The following ARAP1 variants were observed in gnomAD, a reference collection of about 807,000 sequenced individuals.
ARAP1 encodes arf-GAP with Rho-GAP domain, ANK repeat and PH domain-containing protein 1.
ARAP1 carries 76 observed loss-of-function variants against 172.2 expected under a neutral mutation model. The ratio of observed to expected loss-of-function variants is 0.44; its 90% CI spans 0.37 to 0.53. ARAP1 has a LOEUF of 0.53. Among genes scored for constraint, ARAP1 ranks in the 20% least tolerant of loss-of-function variants. ARAP1 has a pLI of 0.00. For synonymous variants in ARAP1, 804 were observed against 803.3 expected (o/e 1.00, Z -0.01); for missense variants, 1,686 against 1,977.5 (o/e 0.85, Z 2.80).
intron 22 of ARAP1, 88 bp from the exon 23 acceptor site, chr11:72,696,742 T>C (rs907817809): frequency 1.2e-5 from 14 of 1,143,782 alleles, no homozygotes; most frequent in Non-Finnish European, 1.7e-5. Context: ...TCATGGTGGG[T>C]GACAGCAGTC....
intron 2 of ARAP1, among the ~76,000 whole-genome samples, chr11:72,730,217 C>A (rs1013653303): frequency 6.6e-6 from 1 of 152,050 alleles, no homozygotes; most frequent in Non-Finnish European, 1.5e-5. Flanking sequence ...AAAAAATTTA[C>A]AAAAAGGAAA....
At position 72,726,367 on chromosome 11, in the gene ARAP1, C is replaced by T. The variant is rs2135571960; in HGVS notation, c.509+253G>A. Among the ~76,000 whole-genome samples the T allele has an allele frequency of 6.6e-6, 1 of 152,300 alleles. No homozygotes were observed. The highest frequency in any genetic ancestry group is 1.9e-4 in the East Asian group (1 of 5,174). On this transcript the variant is annotated intron_variant, in intron 3 of 34. Transcript: ENST00000393609. The surrounding 1 kb of genome is among the most constrained non-coding windows in gnomAD (Gnocchi z 6.5). ...AGTGATGGCACGACTGTCCACCCAG[C>T]CACCCAAGACAGAAACCTGGAGGCC...
chr11:72,745,355 ATTTTTT>A (rs35656290), intron 1 of ARAP1, among the ~76,000 whole-genome samples: 35 of 110,740 alleles, frequency 3.2e-4, no homozygotes, highest in Admixed American at 2.1e-3. Context: ...CGTCCGGCTA[ATTTTTT>A]TTTTTTTTTT....
chr11:72,742,458 G>C (rs979390226), intron 1 of ARAP1, among the ~76,000 whole-genome samples: 4 of 152,190 alleles, frequency 2.6e-5, no homozygotes, highest in Admixed American at 6.5e-5. Context: ...TCACTCAGGA[G>C]CCAGAATCTG....
chr11:72,697,006 C>G lies in ARAP1; in HGVS notation c.3143G>C (p.Arg1048Pro), dbSNP rs1025097115. 8 of 1,607,234 alleles carry G rather than the reference C, an allele frequency of 5.0e-6. No homozygotes were observed. The highest frequency in any genetic ancestry group is 5.1e-6 in the Non-Finnish European group (6 of 1,179,772). Reference protein sequence around the residue: ...LPDGLFTRAQRLTWLEASEIE... With the variant: ...LPDGLFTRAQPLTWLEASEIE... Reference sequence around the variant, plus strand: ...ACCTGAGGCCTCCAGCCAGGTTAGGCGCTGGGCGCGAGTGAAGAGCCCATC... The same window carrying G: ...ACCTGAGGCCTCCAGCCAGGTTAGGGGCTGGGCGCGAGTGAAGAGCCCATC... The change falls in exon 22 of 35, where the codon CGC (arginine) becomes CCC (proline). Residue 1048 changes from arginine (R) to proline (P), a missense_variant. Arg to Pro is a moderately radical substitution (Grantham distance 103). This residue lies in a region of ARAP1 where 274 missense variants were observed against 262.7 expected (regional missense o/e 1.04). Transcript: ENST00000393609.
At chr11:72,728,649 A>T (rs1324772164) in intron 2 of ARAP1, among the ~76,000 whole-genome samples, 1 of 152,190 alleles carries the variant, frequency 6.6e-6, no homozygotes, top group Non-Finnish European at 1.5e-5. Flanking sequence ...AACATTTATA[A>T]GCAACAAACA....
chr11:72,716,228 T>C (rs913766631), intron 3 of ARAP1, among the ~76,000 whole-genome samples: 1 of 152,152 alleles, frequency 6.6e-6, no homozygotes, highest in African/African-American at 2.4e-5. Flanking sequence ...AATGACATTT[T>C]TCAAAGTATC....
rs553143267 is a variant in ARAP1, at chr11:72,728,356, G to A, written c.-44-1184C>T. 1.3e-4 allele frequency among the ~76,000 whole-genome samples: 20 copies of A among 152,298 alleles called. No homozygotes were observed. The South Asian group carries it at 3.7e-3, about 28-fold the overall frequency. On this transcript the variant is annotated intron_variant, in intron 2 of 34. Coordinates refer to ENST00000393609, the MANE Select transcript of ARAP1 (RefSeq NM_001040118.3). ...AGCACTTTAGGAGGCCGAGGCGGGTGGATTGCCTGAGCTCAAGAGTTTCAG... is the reference window on the plus strand; with the variant it reads ...AGCACTTTAGGAGGCCGAGGCGGGTAGATTGCCTGAGCTCAAGAGTTTCAG...
At position 72,695,803 on chromosome 11, in the gene ARAP1, G is replaced by T; in HGVS notation, c.3335C>A (p.Pro1112His). 6.2e-7 allele frequency: 1 copy of T among 1,614,136 alleles called. No homozygotes were observed. Among genetic ancestry groups the T allele is most frequent in the Non-Finnish European group, 8.5e-7 (1 of 1,180,028 alleles). Residue 1112 changes from proline to histidine, a missense_variant, in exon 24 of 35, where the codon CCC becomes CAC. Pro to His is a moderately conservative substitution (Grantham distance 77, BLOSUM62 -2). This residue lies in a region of ARAP1 where 379 missense variants were observed against 500.1 expected (regional missense o/e 0.76). Transcript: ENST00000393609. This position sits in a 1 kb window ranked among gnomAD's most constrained non-coding sequence, Gnocchi z 4.4. ...CTGCCCATCTGTCTGGAAGAGCGTG[G>T]GCCCAAACACAATTGCCAGGTTGTG... is the stretch of plus-strand genomic sequence containing the variant. ...NVHNLAIVFG[P>H]TLFQTDGQDY...
chr11:72,704,337 G>T lies in ARAP1; in HGVS notation c.1810-3C>A. 6.4e-7 allele frequency: 1 copy of T among 1,570,384 alleles called. No individual in the cohort carries two copies. ...CCATTCCCCAGCTGTAAGAAGAGCT[G>T]TGGGGGTGTGCAGGAGGTCAGACGG... On this transcript the variant is annotated splice_polypyrimidine_tract_variant and splice_region_variant and intron_variant, in intron 13 of 34. Coordinates refer to ENST00000393609, the MANE Select transcript of ARAP1 (RefSeq NM_001040118.3).
intron 30 of ARAP1, among the ~76,000 whole-genome samples, chr11:72,691,636 G>A (rs141935089): frequency 4.2e-4 from 64 of 152,286 alleles, no homozygotes; most frequent in African/African-American, 1.4e-3. Context: ...CTCTGCTCCT[G>A]CCATGGCAGC....
rs191571206 is a variant in ARAP1 at position 72,688,450 on chromosome 11, C to A, written c.4070+5G>T. The A allele has an allele frequency of 1.6e-4, 262 of 1,610,858 alleles. 3 individuals carry two copies. The East Asian group carries it at 3.7e-3, about 23-fold the overall frequency. ...AGCAGGCCTATCTGCCCAGTCCCAGCTTACCAGGTGGGTGGCCTGAGTTTC... is the reference window on the plus strand; with the variant it reads ...AGCAGGCCTATCTGCCCAGTCCCAGATTACCAGGTGGGTGGCCTGAGTTTC... On this transcript the variant is annotated splice_donor_5th_base_variant and intron_variant, in intron 31 of 34. Transcript: ENST00000393609.
At chr11:72,704,555 G>T (rs1021827870) in intron 13 of ARAP1, 1 of 540,050 alleles carries the variant, frequency 1.9e-6, no homozygotes, top group Admixed American at 3.6e-5. Flanking sequence ...TCAGTGACAG[G>T]ACAGGGAGTC....
At position 72,696,964 on chromosome 11, in the gene ARAP1, C is replaced by A. The variant is rs775825193; in HGVS notation, c.3166+19G>T. The A allele has an allele frequency of 2.2e-5, 35 of 1,594,592 alleles. No individual in the cohort carries two copies. Among genetic ancestry groups the A allele is most frequent in the Middle Eastern group, 1.7e-4 (1 of 5,842 alleles). ...ATGGGTGGAGGAGGAGGAGGCTGGG[C>A]ACGGGCTGCAGGGCCCACCTGAGGC... On this transcript the variant is annotated intron_variant, in intron 22 of 34. Transcript: ENST00000393609.
At position 72,726,259 on chromosome 11, in the gene ARAP1, C is replaced by T. The variant is rs1403903999; in HGVS notation, c.509+361G>A. On this transcript the variant is annotated intron_variant, in intron 3 of 34. Coordinates refer to ENST00000393609, the MANE Select transcript of ARAP1 (RefSeq NM_001040118.3). This position sits in a 1 kb window ranked among gnomAD's most constrained non-coding sequence, Gnocchi z 6.5. ...CTTGATGCCGGCATGGACCCCGATA[C>T]CCTGCAGTATCTCACAGTTGCCAGG... 2.0e-5 allele frequency among the ~76,000 whole-genome samples: 3 copies of T among 152,054 alleles called. No homozygotes were observed. The highest frequency in any genetic ancestry group is 4.4e-5 in the Non-Finnish European group (3 of 68,018).
intron 1 of ARAP1, among the ~76,000 whole-genome samples, chr11:72,733,019 G>A (rs1343938307): frequency 6.6e-6 from 1 of 151,978 alleles, no homozygotes; most frequent in East Asian, 1.9e-4. Flanking sequence ...ATGGGGAAGA[G>A]GTGGAAGAAG....
intron 1 of ARAP1, among the ~76,000 whole-genome samples, chr11:72,740,789 T>C (rs992567214): frequency 2.0e-5 from 3 of 152,154 alleles, no homozygotes; most frequent in Non-Finnish European, 4.4e-5. Context: ...GGAAATGGAC[T>C]GAGGCTCATT....
Position 72,699,504 on chromosome 11 carries a change from A to G in ARAP1, c.2351T>C (p.Phe784Ser). Residue 784 changes from phenylalanine (F) to serine (S), a missense_variant, in exon 17 of 35, where the codon TTT (phenylalanine) becomes TCT (serine). Around this residue, in one of 5 missense-constraint regions of ARAP1, gnomAD observed 688 missense variants for 856.9 expected, o/e 0.80. Coordinates refer to ENST00000393609, the MANE Select transcript of ARAP1 (RefSeq NM_001040118.3). This position sits in a 1 kb window ranked among gnomAD's most constrained non-coding sequence, Gnocchi z 4.2. ...GGGGGTCACTGCCCGCTCATTCTCAAAGTAGCTCAGGACCCCGTCACCAAG... is the reference window on the plus strand; with the variant it reads ...GGGGGTCACTGCCCGCTCATTCTCAGAGTAGCTCAGGACCCCGTCACCAAG... ...CVLGDGVLSY[F>S]ENERAVTPNG... The G allele has an allele frequency of 6.2e-7, 1 of 1,613,770 alleles. No homozygotes were observed.
At chr11:72,702,054 C>T (rs967209679) in intron 15 of ARAP1, among the ~76,000 whole-genome samples, 1 of 152,238 alleles carries the variant, frequency 6.6e-6, no homozygotes, top group Non-Finnish European at 1.5e-5. Flanking sequence ...CCCCACCCCA[C>T]TCTCCAGGTT....
Sources: gnomAD v4.1 joint callset for allele counts (sites outside exome capture counted in the v4.1 genomes callset) on GRCh38, gnomAD v4.1.1 for gene constraint, gnomAD v4.1.1 regional missense constraint, Gnocchi (gnomAD v3.1) non-coding constraint, MANE v1.5 for transcripts, NCBI Gene and HGNC (gene_info 2026-07-23, HGNC 2026-07-21) for gene names.